Variants in ABTB3 observed in about 807,000 individuals in gnomAD.
ABTB3 encodes the protein ankyrin repeat and BTB domain containing 3.
chr12:107,326,475 T>G, the ABTB3 span, among the ~76,000 whole-genome samples: 1 of 152,240 alleles, frequency 6.6e-6, no homozygotes, highest in Non-Finnish European at 1.5e-5. Flanking sequence ...AGGCTAAGCC[T>G]GGAGGGACTT....
chr12:107,562,065 T>C, the ABTB3 span, among the ~76,000 whole-genome samples: 1 of 152,228 alleles, frequency 6.6e-6, no homozygotes, highest in Non-Finnish European at 1.5e-5. Context: ...TTGAGTTCAC[T>C]GGGTACTGGG....
At chr12:107,486,634 A>G in the ABTB3 span, 2 of 151,490 alleles carry the variant, frequency 1.3e-5, no homozygotes, top group East Asian at 3.9e-4. Flanking sequence ...ATGGCTGTAC[A>G]CTAGAGTATT....
At chr12:107,482,911 TTC>T in the ABTB3 span, among the ~76,000 whole-genome samples, 6 of 146,382 alleles carry the variant, frequency 4.1e-5, no homozygotes, top group African/African-American at 1.0e-4. Context: ...TCTCTCTTTC[TTC>T]TTCTTTCTTT....
the ABTB3 span, among the ~76,000 whole-genome samples, chr12:107,598,169 T>A: frequency 6.6e-6 from 1 of 152,242 alleles, no homozygotes; most frequent in African/African-American, 2.4e-5. Flanking sequence ...GGTAAATGTT[T>A]AACAATCATC....
At chr12:107,341,631 A>T in the ABTB3 span, among the ~76,000 whole-genome samples, 1 of 152,182 alleles carries the variant, frequency 6.6e-6, no homozygotes, top group Admixed American at 6.5e-5. Flanking sequence ...GCATCAGTGG[A>T]TGCTACTCAG....
the ABTB3 span, chr12:107,634,730 T>C: frequency 6.6e-6 from 1 of 152,190 alleles, no homozygotes; most frequent in Non-Finnish European, 1.5e-5. Flanking sequence ...GCAGAACCAG[T>C]TCCCTCCCAC....
the ABTB3 span, among the ~76,000 whole-genome samples, chr12:107,518,498 C>G: frequency 6.7e-6 from 1 of 150,152 alleles, no homozygotes; most frequent in South Asian, 2.1e-4. Context: ...AAAACTATCG[C>G]AAGGACAGAA....
At chr12:107,504,140 T>C in the ABTB3 span, among the ~76,000 whole-genome samples, 2 of 152,210 alleles carry the variant, frequency 1.3e-5, no homozygotes, top group African/African-American at 2.4e-5. Context: ...TGGTTTATTT[T>C]ACTCTGTAAT....
the ABTB3 span, among the ~76,000 whole-genome samples, chr12:107,360,748 T>C: frequency 4.6e-3 from 704 of 152,086 alleles, 2 homozygotes; most frequent in African/African-American, 0.011. Flanking sequence ...AGTCACTGGG[T>C]ACATGGCTTT....
At chr12:107,429,022 G>A in the ABTB3 span, among the ~76,000 whole-genome samples, 2 of 152,246 alleles carry the variant, frequency 1.3e-5, no homozygotes, top group Admixed American at 1.3e-4. Context: ...GGGGAGGAAG[G>A]TCCAGGGGAA....
the ABTB3 span, chr12:107,640,440 C>T: frequency 7.1e-7 from 1 of 1,401,938 alleles, no homozygotes; most frequent in Non-Finnish European, 9.9e-7. Context: ...TTGAAAGCAG[C>T]TGCATTATGA....
the ABTB3 span, among the ~76,000 whole-genome samples, chr12:107,479,620 C>T: frequency 6.6e-6 from 1 of 152,042 alleles, no homozygotes; most frequent in Non-Finnish European, 1.5e-5. Context: ...TTCCCTGTCC[C>T]TTAATTGGTT....
chr12:107,350,990 T>C, the ABTB3 span, among the ~76,000 whole-genome samples: 1 of 151,712 alleles, frequency 6.6e-6, no homozygotes, highest in Non-Finnish European at 1.5e-5. Flanking sequence ...TAGTGCTGGA[T>C]GGGAAGGAGT....
chr12:107,510,786 G>A, the ABTB3 span, among the ~76,000 whole-genome samples: 1 of 152,150 alleles, frequency 6.6e-6, no homozygotes, highest in South Asian at 2.1e-4. Context: ...GCTGGATGTG[G>A]TGGTGTGCAC....
chr12:107,407,747 C>T, the ABTB3 span, among the ~76,000 whole-genome samples: 1 of 152,162 alleles, frequency 6.6e-6, no homozygotes, highest in East Asian at 1.9e-4. Flanking sequence ...TTAATAGGAT[C>T]TATTGGGCCT....
At chr12:107,636,434 A>G in the ABTB3 span, among the ~76,000 whole-genome samples, 1 of 152,220 alleles carries the variant, frequency 6.6e-6, no homozygotes, top group Admixed American at 6.5e-5. Flanking sequence ...CCCTTTCCTA[A>G]GAAAATTGAA....
At chr12:107,389,933 A>G in the ABTB3 span, among the ~76,000 whole-genome samples, 1 of 151,656 alleles carries the variant, frequency 6.6e-6, no homozygotes. Context: ...TCCTCTTCCC[A>G]AAGCCTTTCC....
chr12:107,506,806 TTAATAAA>T, the ABTB3 span, among the ~76,000 whole-genome samples: 1 of 152,214 alleles, frequency 6.6e-6, no homozygotes, highest in Non-Finnish European at 1.5e-5. Context: ...TTGTTTGGAC[TTAATAAA>T]TATTTGTTGA....
At chr12:107,491,030 G>A in the ABTB3 span, among the ~76,000 whole-genome samples, 1 of 152,240 alleles carries the variant, frequency 6.6e-6, no homozygotes, top group South Asian at 2.1e-4. Context: ...AGCCATATGG[G>A]GGCCACACCT....
Sources: allele counts gnomAD v4.1 joint callset (sites outside exome capture counted in the v4.1 genomes callset), GRCh38; gene constraint gnomAD v4.1.1; transcripts MANE v1.5; gene names NCBI Gene and HGNC (gene_info 2026-07-23, HGNC 2026-07-21).